BMP6: variants seen among roughly 807,000 people sequenced by gnomAD.
The protein encoded by BMP6 is bone morphogenetic protein 6.
Under a neutral mutation model 54.1 loss-of-function variants are expected in BMP6, and 17 were observed. The ratio of observed to expected loss-of-function variants is 0.31; its 90% CI spans 0.22 to 0.47. The LOEUF (loss-of-function observed/expected upper bound fraction) is 0.47, where lower values mean the gene tolerates loss of function less well. Ranked by LOEUF, BMP6 falls within the 20% of genes least tolerant of loss-of-function variation. The probability of loss-of-function intolerance (pLI) is 1.00; values close to 1 mark genes in which losing one functional copy is unlikely to be tolerated. For synonymous variants in BMP6, 328 were observed against 291.2 expected (o/e 1.13, Z -1.28); for missense variants, 720 against 690.4 (o/e 1.04, Z -0.48).
At chr6:7,816,343 C>T (rs368098974) in intron 1 of BMP6, among the ~76,000 whole-genome samples, 33 of 152,300 alleles carry the variant, frequency 2.2e-4, no homozygotes, top group African/African-American at 7.0e-4. Flanking sequence ...AACAGATATC[C>T]TCCCTGTTTT....
chr6:7,767,183 T>A (rs978984029), intron 1 of BMP6, among the ~76,000 whole-genome samples: 2 of 152,082 alleles, frequency 1.3e-5, no homozygotes, highest in Non-Finnish European at 2.9e-5. Flanking sequence ...AGACGGGGTT[T>A]CACCGCGGTC....
At chr6:7,742,221 G>T (rs570233254) in intron 1 of BMP6, among the ~76,000 whole-genome samples, 1 of 152,262 alleles carries the variant, frequency 6.6e-6, no homozygotes, top group East Asian at 1.9e-4. Flanking sequence ...TAAAGGCTTT[G>T]GGAAGAAGAA....
intron 1 of BMP6, among the ~76,000 whole-genome samples, chr6:7,843,744 A>G (rs1044556420): frequency 4.6e-5 from 7 of 152,200 alleles, no homozygotes; most frequent in African/African-American, 1.7e-4. Context: ...AGCAATTATA[A>G]GTGAGGCATC....
chr6:7,727,288 G>A lies in BMP6; in HGVS notation c.333G>A (p.Glu111=), dbSNP rs1465583487. Residue 111 remains glutamate, a synonymous_variant, in exon 1 of 7, where the codon GAG becomes GAA. Transcript: ENST00000283147. ...QPQPPALRQQ[E]EQQQQQQLPR... ...AGCCCCCGGCGCTCCGGCAGCAGGA[G>A]GAGCAGCAGCAGCAGCAGCAGCTGC... 1.9e-6 allele frequency: 3 copies of A among 1,606,938 alleles called. No individual in the cohort carries two copies. The highest frequency in any genetic ancestry group is 2.7e-5 in the African/African-American group (2 of 74,700).
At position 7,745,899 on chromosome 6, in the gene BMP6, C is replaced by T. The variant is rs560286298; in HGVS notation, c.664+18280C>T. On this transcript the variant is annotated intron_variant, in intron 1 of 6. Transcript: ENST00000283147. ...AGGAGAATCACTTGAACCCAGGAGG[C>T]GGAGGTTGCAGTGGGCCGAGATTGC... Among the ~76,000 whole-genome samples, 7 of 151,874 alleles carry T rather than the reference C, an allele frequency of 4.6e-5. No homozygotes were observed. The South Asian group carries it at 6.3e-4, about 14-fold the overall frequency.
intron 1 of BMP6, among the ~76,000 whole-genome samples, chr6:7,777,910 T>C (rs1757886076): frequency 6.6e-6 from 1 of 152,162 alleles, no homozygotes. Flanking sequence ...CATTAGTTCA[T>C]GTTTTCTTTG....
rs149724359 is a variant in BMP6 at position 7,846,902 on chromosome 6, G to T, written c.857+1570G>T. Among the ~76,000 whole-genome samples the T allele has an allele frequency of 4.0e-3, 606 of 152,146 alleles. 2 individuals carry two copies. Among genetic ancestry groups the T allele is most frequent in the African/African-American group, 0.014 (591 of 41,504 alleles). ...TTTCTCTGGTTAGAATAACCTACTG[G>T]TATCTTTTTGGCTCAGAAATATATT... On this transcript the variant is annotated intron_variant, in intron 2 of 6. Coordinates refer to ENST00000283147, the MANE Select transcript of BMP6 (RefSeq NM_001718.6).
intron 1 of BMP6, among the ~76,000 whole-genome samples, chr6:7,813,435 A>G (rs891122375): frequency 3.0e-5 from 4 of 133,524 alleles, no homozygotes; most frequent in African/African-American, 1.1e-4. Flanking sequence ...AGCCTGGGCA[A>G]CATAGTGAGA....
At chr6:7,792,988 A>C (rs1271084994) in intron 1 of BMP6, among the ~76,000 whole-genome samples, 1 of 152,236 alleles carries the variant, frequency 6.6e-6, no homozygotes, top group Non-Finnish European at 1.5e-5. Context: ...TTCATGTCAC[A>C]AACTTGCAAG....
chr6:7,824,576 T>C (rs760433821), intron 1 of BMP6, among the ~76,000 whole-genome samples: 2 of 152,258 alleles, frequency 1.3e-5, no homozygotes, highest in Non-Finnish European at 1.5e-5. Flanking sequence ...TTGTAGTGTA[T>C]TTTAAAGCCT....
intron 1 of BMP6, among the ~76,000 whole-genome samples, chr6:7,803,036 G>A (rs557610093): frequency 5.0e-4 from 76 of 152,308 alleles, no homozygotes; most frequent in Admixed American, 5.9e-4. Context: ...AATCAACCTG[G>A]GAAGAAAAAC....
intron 1 of BMP6, among the ~76,000 whole-genome samples, chr6:7,843,772 T>C (rs1314560721): frequency 6.6e-6 from 1 of 152,228 alleles, no homozygotes; most frequent in Non-Finnish European, 1.5e-5. Context: ...TGATATCACT[T>C]TTCTCACACA....
At chr6:7,863,700 A>T (rs1336848913) in intron 4 of BMP6, among the ~76,000 whole-genome samples, 6 of 152,120 alleles carry the variant, frequency 3.9e-5, no homozygotes. Flanking sequence ...CTGCTACCTG[A>T]GTGTCAGCTG....
intron 1 of BMP6, among the ~76,000 whole-genome samples, chr6:7,768,546 G>A (rs944474622): frequency 2.0e-4 from 31 of 152,114 alleles, no homozygotes; most frequent in African/African-American, 7.5e-4. Context: ...ACCTGCTTCT[G>A]AGCATGGGTC....
chr6:7,835,661 C>A (rs146085972), intron 1 of BMP6, among the ~76,000 whole-genome samples: 34 of 152,156 alleles, frequency 2.2e-4, no homozygotes, highest in African/African-American at 6.3e-4. Context: ...GGCAAAAATG[C>A]GGTTATTTGA....
At chr6:7,775,116 G>C (rs138529035) in intron 1 of BMP6, among the ~76,000 whole-genome samples, 1 of 152,152 alleles carries the variant, frequency 6.6e-6, no homozygotes, top group South Asian at 2.1e-4. Context: ...TAAAGGTCCC[G>C]CCTCTCAACA....
At chr6:7,793,809 G>A (rs1172710553) in intron 1 of BMP6, among the ~76,000 whole-genome samples, 15 of 152,112 alleles carry the variant, frequency 9.9e-5, no homozygotes, top group African/African-American at 3.4e-4. Context: ...ATCCTCAGTC[G>A]CCATGATTCC....
At chr6:7,762,886 C>T (rs367838634) in intron 1 of BMP6, among the ~76,000 whole-genome samples, 2 of 152,212 alleles carry the variant, frequency 1.3e-5, no homozygotes, top group Non-Finnish European at 2.9e-5. Context: ...CGCCGTGCGA[C>T]GCAGATGTGC....
At position 7,881,047 on chromosome 6, in the gene BMP6, G is replaced by C. The variant is rs1046201928; in HGVS notation, c.*704G>C. 1 of 152,762 alleles carries C rather than the reference G, an allele frequency of 6.5e-6. No individual in the cohort carries two copies. The highest frequency in any genetic ancestry group is 2.4e-5 in the African/African-American group (1 of 41,460). 9.5% of individuals were successfully genotyped at this position (152,762 alleles called of 1,614,324 possible). A position where few individuals can be genotyped will look rare whatever the true frequency, so the allele number is the denominator to read the frequency against. On this transcript the variant is annotated 3_prime_UTR_variant, in exon 7 of 7. Coordinates refer to ENST00000283147, the MANE Select transcript of BMP6 (RefSeq NM_001718.6). ...TGATTACACTGAGGTGAGGCTACAAGGGGTGTGTAACCGTGTAACACGTGA... is the reference window on the plus strand; with the variant it reads ...TGATTACACTGAGGTGAGGCTACAACGGGTGTGTAACCGTGTAACACGTGA...
Sources: allele counts gnomAD v4.1 joint callset (sites outside exome capture counted in the v4.1 genomes callset), GRCh38; gene constraint gnomAD v4.1.1; transcripts MANE v1.5; gene names NCBI Gene and HGNC (gene_info 2026-07-23, HGNC 2026-07-21).